ACOXL: variants seen among roughly 807,000 people sequenced by gnomAD.
The protein encoded by ACOXL is acyl-coenzyme A oxidase-like protein.
ACOXL carries 70 observed loss-of-function variants against 71.9 expected under a neutral mutation model. The ratio of observed to expected loss-of-function variants is 0.97; its 90% confidence interval spans 0.80 to 1.19. The LOEUF (loss-of-function observed/expected upper bound fraction) is 1.19. Among genes scored for constraint, ACOXL ranks in the 50% most tolerant of loss-of-function variants. The pLI is 0.00. For synonymous variants in ACOXL, 253 were observed against 281.6 expected (o/e 0.90, Z 1.02); for missense variants, 703 against 736.3 (o/e 0.95, Z 0.52).
intron 17 of ACOXL, among the ~76,000 whole-genome samples, chr2:111,109,306 TTATTA>T (rs894925746): frequency 6.6e-6 from 1 of 152,268 alleles, no homozygotes; most frequent in Non-Finnish European, 1.5e-5. Context: ...GGAAGATGTT[TTATTA>T]TATCAAATTT....
intron 13 of ACOXL, among the ~76,000 whole-genome samples, chr2:110,994,575 C>G (rs1261282184): frequency 1.3e-5 from 2 of 152,076 alleles, no homozygotes; most frequent in African/African-American, 4.8e-5. Context: ...ATTAACCCTT[C>G]CCCTGGTTGT....
intron 13 of ACOXL, among the ~76,000 whole-genome samples, chr2:110,989,968 A>T (rs1197894289): frequency 6.6e-6 from 1 of 152,148 alleles, no homozygotes; most frequent in South Asian, 2.1e-4. Flanking sequence ...TGAACCCAGG[A>T]AGCGGAGGTT....
At chr2:110,821,971 G>A (rs752672290) in intron 9 of ACOXL, among the ~76,000 whole-genome samples, 1 of 151,834 alleles carries the variant, frequency 6.6e-6, no homozygotes, top group Non-Finnish European at 1.5e-5. Context: ...GTGTGTGAGT[G>A]TGTGCGTGCG....
chr2:110,974,136 T>G (rs3789100), intron 12 of ACOXL, among the ~76,000 whole-genome samples: 1 of 152,158 alleles, frequency 6.6e-6, no homozygotes, highest in Non-Finnish European at 1.5e-5. Flanking sequence ...TCTCCCCATT[T>G]TGGGGAGGCC....
intron 15 of ACOXL, chr2:111,036,971 A>G (rs1158726273): frequency 1.3e-5 from 2 of 152,178 alleles, no homozygotes; most frequent in Admixed American, 6.5e-5. Context: ...GAAGCATCGT[A>G]GTATGTAAAA....
At chr2:110,742,931 A>G (rs1677728528) in intron 1 of ACOXL, among the ~76,000 whole-genome samples, 1 of 152,234 alleles carries the variant, frequency 6.6e-6, no homozygotes, top group Admixed American at 6.5e-5. Flanking sequence ...TTCACATAAC[A>G]TACAACTAAC....
intron 10 of ACOXL, among the ~76,000 whole-genome samples, chr2:110,879,342 C>A (rs754648509): frequency 6.6e-6 from 1 of 152,138 alleles, no homozygotes; most frequent in African/African-American, 2.4e-5. Context: ...CAGCTCAAGG[C>A]AGATGTCCGT....
chr2:111,058,934 C>G (rs1433545341), intron 16 of ACOXL, among the ~76,000 whole-genome samples: 1 of 152,164 alleles, frequency 6.6e-6, no homozygotes, highest in African/African-American at 2.4e-5. Flanking sequence ...TTTATCTCTT[C>G]TAGAACTGTA....
At chr2:110,875,317 A>G (rs902227436) in intron 10 of ACOXL, among the ~76,000 whole-genome samples, 2 of 152,204 alleles carry the variant, frequency 1.3e-5, no homozygotes, top group Admixed American at 1.3e-4. Context: ...GTGAGTCACC[A>G]CACACTTCTG....
At chr2:110,952,178 G>A (rs1234400833) in intron 12 of ACOXL, among the ~76,000 whole-genome samples, 2 of 152,200 alleles carry the variant, frequency 1.3e-5, no homozygotes, top group South Asian at 2.1e-4. Flanking sequence ...AGCTATTCAG[G>A]TTTTCTGTTC....
At chr2:110,869,533 C>T (rs1341588121) in intron 10 of ACOXL, among the ~76,000 whole-genome samples, 1 of 152,168 alleles carries the variant, frequency 6.6e-6, no homozygotes, top group African/African-American at 2.4e-5. Flanking sequence ...CCCAGGGGCA[C>T]ATGCCAGCAC....
intron 12 of ACOXL, among the ~76,000 whole-genome samples, chr2:110,945,255 A>G (rs1288985630): frequency 6.6e-6 from 1 of 152,062 alleles, no homozygotes; most frequent in Non-Finnish European, 1.5e-5. Flanking sequence ...TGTTGAATGC[A>G]TAGTTGGCAA....
intron 17 of ACOXL, among the ~76,000 whole-genome samples, chr2:111,104,623 A>G (rs1574777169): frequency 1.3e-5 from 2 of 152,180 alleles, no homozygotes; most frequent in Non-Finnish European, 2.9e-5. Flanking sequence ...CTTATTTGCC[A>G]TCTGTATGTT....
intron 16 of ACOXL, among the ~76,000 whole-genome samples, chr2:111,072,918 C>T (rs996226892): frequency 2.0e-5 from 3 of 152,188 alleles, no homozygotes; most frequent in Non-Finnish European, 2.9e-5. Context: ...TCCTAGCTGA[C>T]ACTCAGTATT....
chr2:110,871,242 GT>G (rs1332394250), intron 10 of ACOXL, among the ~76,000 whole-genome samples: 1 of 152,080 alleles, frequency 6.6e-6, no homozygotes, highest in South Asian at 2.1e-4. Context: ...ATCTGGCTTT[GT>G]TTAGTAGTCT....
At chr2:111,068,871 A>C (rs974855428) in intron 16 of ACOXL, among the ~76,000 whole-genome samples, 6 of 152,230 alleles carry the variant, frequency 3.9e-5, no homozygotes, top group Admixed American at 3.3e-4. Flanking sequence ...AGGAAAAATT[A>C]GCAAGGAAGG....
At chr2:110,751,872 T>G (rs1679013309) in intron 1 of ACOXL, among the ~76,000 whole-genome samples, 1 of 152,228 alleles carries the variant, frequency 6.6e-6, no homozygotes, top group Non-Finnish European at 1.5e-5. Context: ...ATTAATTCAA[T>G]TTAATCTTGT....
At chr2:110,953,030 A>G (rs773452809) in intron 12 of ACOXL, among the ~76,000 whole-genome samples, 34 of 152,224 alleles carry the variant, frequency 2.2e-4, no homozygotes, top group Non-Finnish European at 4.0e-4. Context: ...TAAAAAATAT[A>G]GCCAACATTT....
At chr2:110,885,358 G>T (rs1697150870) in intron 10 of ACOXL, among the ~76,000 whole-genome samples, 1 of 152,148 alleles carries the variant, frequency 6.6e-6, no homozygotes, top group African/African-American at 2.4e-5. Context: ...ATGTAAGTTG[G>T]CCAGCTCTTA....
Sources: gnomAD v4.1 joint callset for allele counts (sites outside exome capture counted in the v4.1 genomes callset) on GRCh38, gnomAD v4.1.1 for gene constraint, MANE v1.5 for transcripts, NCBI Gene and HGNC (gene_info 2026-07-23, HGNC 2026-07-21) for gene names.